LRRC7: variants seen among roughly 807,000 people sequenced by gnomAD.
LRRC7 encodes leucine-rich repeat-containing protein 7.
LRRC7 carries 23 observed loss-of-function variants against 175.7 expected under a neutral mutation model. The observed-to-expected ratio is 0.13, with a 90% CI of 0.09 to 0.19. LRRC7 has a LOEUF of 0.19. LRRC7 is among the 10% of genes least tolerant of loss of function. LRRC7 has a pLI of 1.00. For missense variants in LRRC7, 1,354 were observed against 1,904.7 expected, an observed-to-expected ratio of 0.71 and a Z score of 5.38; for synonymous variants, 685 against 680.9, an observed-to-expected ratio of 1.01 and a Z score of -0.09.
Position 70,141,042 on chromosome 1 carries a change from C to A in LRRC7, c.*19155C>A, listed in dbSNP as rs537526926. 6.6e-6 allele frequency among the ~76,000 whole-genome samples: 1 copy of A among 152,036 alleles called. No individual in the cohort carries two copies. Among genetic ancestry groups the A allele is most frequent in the African/African-American group, 2.4e-5 (1 of 41,400 alleles). On this transcript the variant is annotated 3_prime_UTR_variant, in exon 27 of 27. Coordinates refer to ENST00000651989, the MANE Select transcript of LRRC7 (RefSeq NM_001370785.2). ...CTAATAAGGCAATGGAACACTCAAGCAGATTTTCCTCTAATGAGTAGTTAA... is the reference window on the plus strand; with the variant it reads ...CTAATAAGGCAATGGAACACTCAAGAAGATTTTCCTCTAATGAGTAGTTAA...
At chr1:70,069,055 T>C (rs376655589) in intron 23 of LRRC7, among the ~76,000 whole-genome samples, 1 of 152,214 alleles carries the variant, frequency 6.6e-6, no homozygotes, top group East Asian at 1.9e-4. Flanking sequence ...CTGTTCAAGT[T>C]ATCTATATTT....
At chr1:70,083,586 C>G (rs1663380846) in intron 24 of LRRC7, among the ~76,000 whole-genome samples, 2 of 152,152 alleles carry the variant, frequency 1.3e-5, no homozygotes, top group African/African-American at 4.8e-5. Flanking sequence ...TATCCCCAGC[C>G]TTCGTCTCTC....
At chr1:69,822,300 C>T (rs1202821769) in intron 4 of LRRC7, among the ~76,000 whole-genome samples, 1 of 152,160 alleles carries the variant, frequency 6.6e-6, no homozygotes, top group Non-Finnish European at 1.5e-5. Context: ...CAGACAACGG[C>T]AAGTGCTCAC....
At position 70,126,855 on chromosome 1, in the gene LRRC7, C is replaced by A. The variant is rs190025988; in HGVS notation, c.*4968C>A. On this transcript the variant is annotated 3_prime_UTR_variant, in exon 27 of 27. Transcript: ENST00000651989. ...CTTCTGGGGGCATTTCTGTTTCTAG[C>A]GTGTAAAACTGACCTGTCTTCATTG... Among the ~76,000 whole-genome samples the A allele has an allele frequency of 5.4e-3, 821 of 152,280 alleles. 1 individual carries two copies. The highest frequency in any genetic ancestry group is 8.6e-3 in the Non-Finnish European group (584 of 68,028).
intron 16 of LRRC7, among the ~76,000 whole-genome samples, chr1:70,021,711 G>A (rs553633777): frequency 2.2e-4 from 34 of 152,198 alleles, no homozygotes; most frequent in African/African-American, 8.2e-4. Context: ...TTACCTCAAA[G>A]TATGTTTTAA....
intron 1 of LRRC7, among the ~76,000 whole-genome samples, chr1:69,601,463 A>G (rs1038104980): frequency 1.3e-5 from 2 of 152,146 alleles, no homozygotes; most frequent in African/African-American, 2.4e-5. Flanking sequence ...ATCCAAATAT[A>G]TATGTATAAT....
chr1:69,791,704 G>C (rs2101060262), intron 3 of LRRC7, among the ~76,000 whole-genome samples: 1 of 152,142 alleles, frequency 6.6e-6, no homozygotes, highest in South Asian at 2.1e-4. Context: ...CCTGGTAGCT[G>C]TCAGAATAGA....
At chr1:69,942,575 C>CT (rs1464763083) in intron 8 of LRRC7, among the ~76,000 whole-genome samples, 2 of 152,008 alleles carry the variant, frequency 1.3e-5, no homozygotes, top group Non-Finnish European at 2.9e-5. Flanking sequence ...CATTTCTTCT[C>CT]TTTTCCCAGC....
chr1:69,871,943 TTAGAACTACAC>T (rs2101582013), intron 7 of LRRC7, among the ~76,000 whole-genome samples: 1 of 152,154 alleles, frequency 6.6e-6, no homozygotes, highest in East Asian at 1.9e-4. Flanking sequence ...TATATGGATT[TTAGAACTACAC>T]TTCTTACATT....
chr1:69,718,846 G>GA (rs112567532), intron 2 of LRRC7, among the ~76,000 whole-genome samples: 2 of 151,762 alleles, frequency 1.3e-5, no homozygotes, highest in African/African-American at 4.8e-5. Context: ...ATGATTGAGG[G>GA]AAAAAAAGCT....
At chr1:69,839,829 C>A (rs144433706) in intron 7 of LRRC7, among the ~76,000 whole-genome samples, 2 of 151,814 alleles carry the variant, frequency 1.3e-5, no homozygotes, top group East Asian at 3.9e-4. Context: ...AAATTAAAAC[C>A]TGATATAGAT....
At chr1:69,898,946 G>A (rs755890686) in intron 7 of LRRC7, among the ~76,000 whole-genome samples, 5 of 152,198 alleles carry the variant, frequency 3.3e-5, no homozygotes, top group Admixed American at 6.5e-5. Context: ...GGAGAACCAC[G>A]CAGCATCTCA....
chr1:70,069,438 G>A (rs1662218757), intron 23 of LRRC7, among the ~76,000 whole-genome samples: 1 of 152,112 alleles, frequency 6.6e-6, no homozygotes, highest in African/African-American at 2.4e-5. Context: ...TTGACATGTG[G>A]GGATTATATG....
At chr1:69,592,867 G>T (rs755785376) in intron 1 of LRRC7, among the ~76,000 whole-genome samples, 3 of 151,996 alleles carry the variant, frequency 2.0e-5, no homozygotes, top group South Asian at 4.1e-4. Flanking sequence ...TTTTCCCCAG[G>T]TCTTAAAAAG....
intron 1 of LRRC7, among the ~76,000 whole-genome samples, chr1:69,579,794 CTTTT>C (rs71242784): frequency 7.9e-6 from 1 of 127,180 alleles, no homozygotes. Context: ...TGAATAGAAG[CTTTT>C]TTTTTTTTTT....
chr1:69,830,744 C>T (rs1383951285), intron 5 of LRRC7, among the ~76,000 whole-genome samples: 2 of 151,752 alleles, frequency 1.3e-5, no homozygotes, highest in African/African-American at 2.4e-5. Context: ...ACATAGATGT[C>T]GTTAAATAAG....
At chr1:69,839,715 T>G (rs1223261102) in intron 7 of LRRC7, among the ~76,000 whole-genome samples, 1 of 152,110 alleles carries the variant, frequency 6.6e-6, no homozygotes, top group African/African-American at 2.4e-5. Context: ...GAGAATCATT[T>G]TCCCTCTGTT....
At chr1:69,728,649 A>C (rs1288201088) in intron 2 of LRRC7, among the ~76,000 whole-genome samples, 2 of 152,178 alleles carry the variant, frequency 1.3e-5, no homozygotes, top group Non-Finnish European at 2.9e-5. Flanking sequence ...ATTTTCTTTC[A>C]TTTTATGAAA....
chr1:70,012,318 T>C (rs957549987), intron 12 of LRRC7, among the ~76,000 whole-genome samples: 1 of 151,954 alleles, frequency 6.6e-6, no homozygotes, highest in African/African-American at 2.4e-5. Context: ...TGCATTATAA[T>C]ATTATTTTAA....
Sources: allele counts gnomAD v4.1 joint callset (sites outside exome capture counted in the v4.1 genomes callset), GRCh38; gene constraint gnomAD v4.1.1; transcripts MANE v1.5; gene names NCBI Gene and HGNC (gene_info 2026-07-23, HGNC 2026-07-21).